The following MTSS1 variants were observed in gnomAD, a reference collection of about 807,000 sequenced individuals.
MTSS1 encodes MTSS I-BAR domain containing 1, also known as protein MTSS 1.
In MTSS1, 18 loss-of-function variants were observed where a neutral mutation model predicts 79.0. That is an observed-to-expected ratio of 0.23 (90% CI 0.16 to 0.34). The LOEUF (loss-of-function observed/expected upper bound fraction) is 0.34, where lower values mean the gene tolerates loss of function less well. Among genes scored for constraint, MTSS1 ranks in the 10% least tolerant of loss-of-function variants. MTSS1 has a pLI of 1.00. For missense variants in MTSS1, 815 were observed against 986.2 expected (o/e 0.83, Z 2.33); for synonymous variants, 341 against 368.6 (o/e 0.93, Z 0.86).
intron 3 of MTSS1, among the ~76,000 whole-genome samples, chr8:124,635,699 G>C (rs563778019): frequency 1.2e-4 from 19 of 152,290 alleles, no homozygotes; most frequent in Admixed American, 9.8e-4. Flanking sequence ...GCAAGATCTA[G>C]TAGACAACGG....
chr8:124,685,960 G>A (rs972359885), intron 3 of MTSS1, among the ~76,000 whole-genome samples: 8 of 152,226 alleles, frequency 5.3e-5, no homozygotes, highest in Non-Finnish European at 1.0e-4. Context: ...GCCAGCAGTC[G>A]GAAGGTGGCC....
At chr8:124,638,235 C>A (rs1817388239) in intron 3 of MTSS1, among the ~76,000 whole-genome samples, 1 of 152,196 alleles carries the variant, frequency 6.6e-6, no homozygotes, top group South Asian at 2.1e-4. Flanking sequence ...TCACAGAGAT[C>A]CAAGGAAATT....
intron 3 of MTSS1, among the ~76,000 whole-genome samples, chr8:124,685,164 C>A (rs749398241): frequency 1.0e-5 from 1 of 98,528 alleles, no homozygotes; most frequent in Non-Finnish European, 2.3e-5. Flanking sequence ...CCTCCATCTC[C>A]AGAACTTTTC....
intron 3 of MTSS1, among the ~76,000 whole-genome samples, chr8:124,676,307 A>G (rs1825278686): frequency 6.6e-6 from 1 of 152,242 alleles, no homozygotes; most frequent in Admixed American, 6.5e-5. Context: ...AAGTAAAGAC[A>G]CTGCAGGGAC....
At chr8:124,698,050 T>C (rs886662910) in intron 3 of MTSS1, 1 of 152,230 alleles carries the variant, frequency 6.6e-6, no homozygotes, top group Non-Finnish European at 1.5e-5. Flanking sequence ...TATGTTGAAA[T>C]TCTTTATTTA....
chr8:124,612,441 A>T (rs1835987711), intron 3 of MTSS1, among the ~76,000 whole-genome samples: 1 of 152,198 alleles, frequency 6.6e-6, no homozygotes, highest in Non-Finnish European at 1.5e-5. Flanking sequence ...AGTCCCTGAG[A>T]TGCTGGTTTA....
At chr8:124,662,177 G>A (rs1340594457) in intron 3 of MTSS1, among the ~76,000 whole-genome samples, 1 of 152,114 alleles carries the variant, frequency 6.6e-6, no homozygotes, top group African/African-American at 2.4e-5. Flanking sequence ...TTTTGGGAAA[G>A]AGGACAACGT....
intron 3 of MTSS1, among the ~76,000 whole-genome samples, chr8:124,605,588 TCGCTGCCTCCCTCCCTGCCCTCG>T (rs1244351790): frequency 0.011 from 1,214 of 114,454 alleles, 20 homozygotes; most frequent in African/African-American, 0.04. Flanking sequence ...CCCTGCCCTC[TCGCTGCCTCCCTCCCTGCCCTCG>T]CGCTGCCTCC....
chr8:124,568,647 T>TAAA, intron 6 of MTSS1, 111 bp from the exon 7 acceptor site: 1 of 1,523,470 alleles, frequency 6.6e-7, no homozygotes, highest in Non-Finnish European at 9.0e-7. Context: ...TTCCAGGATG[T>TAAA]AAAAAAAGTA....
At position 124,557,765 on chromosome 8, in the gene MTSS1, G is replaced by T; in HGVS notation, c.1146C>A (p.Val382=). The T allele has an allele frequency of 6.2e-7, 1 of 1,605,562 alleles. No homozygotes were observed. Residue 382 remains valine, a synonymous_variant, in exon 11 of 14, where the codon GTC becomes GTA. Coordinates refer to ENST00000518547, the MANE Select transcript of MTSS1 (RefSeq NM_014751.6). ...CGTAGTCTGGAAGGTGGACAGAGGT[G>T]ACCCGAGGGAGCAGGCGGGAGGCAG... The part of the protein sequence containing the change: ...CLPASRLLPR[V]TSVHLPDYAH...
rs779512088 is a variant in MTSS1, at chr8:124,727,850, G to A, written c.72+34C>T. ...CGCGGCGGCGAGGTCAGAGCGCGGC[G>A]GCCGGCGCCGCAGCCGCACCCCCGG... On this transcript the variant is annotated intron_variant, in intron 1 of 13. Coordinates refer to ENST00000518547, the MANE Select transcript of MTSS1 (RefSeq NM_014751.6). The surrounding 1 kb of genome is among the most constrained non-coding windows in gnomAD (Gnocchi z 4.7). 20 of 1,551,518 alleles carry A rather than the reference G, an allele frequency of 1.3e-5. No individual in the cohort carries two copies. Among genetic ancestry groups the A allele is most frequent in the Non-Finnish European group, 1.6e-5 (18 of 1,153,202 alleles).
intron 3 of MTSS1, among the ~76,000 whole-genome samples, chr8:124,668,188 C>T (rs1052183506): frequency 1.4e-4 from 21 of 152,334 alleles, no homozygotes; most frequent in African/African-American, 4.8e-4. Flanking sequence ...ACAGCGCAAG[C>T]GGCCACACGT....
intron 3 of MTSS1, among the ~76,000 whole-genome samples, chr8:124,635,806 C>T (rs374377280): frequency 6.6e-6 from 1 of 151,814 alleles, no homozygotes; most frequent in Non-Finnish European, 1.5e-5. Flanking sequence ...TTATGGCTCC[C>T]GGATTCCCAA....
chr8:124,643,100 G>T (rs1433195215), intron 3 of MTSS1, among the ~76,000 whole-genome samples: 1 of 152,046 alleles, frequency 6.6e-6, no homozygotes, highest in Non-Finnish European at 1.5e-5. Context: ...ATAAAATTTG[G>T]CAGAGAGAAA....
intron 3 of MTSS1, among the ~76,000 whole-genome samples, chr8:124,694,089 C>CA (rs1390646709): frequency 1.3e-5 from 2 of 152,166 alleles, no homozygotes; most frequent in Admixed American, 6.5e-5. Context: ...ATTTCAACAA[C>CA]ATAGATTATT....
At position 124,720,802 on chromosome 8, in the gene MTSS1, A is replaced by G. The variant is rs139824913; in HGVS notation, c.72+7082T>C. On this transcript the variant is annotated intron_variant, in intron 1 of 13. Transcript: ENST00000518547. Reference sequence around the variant, plus strand: ...TACCTCATTCCCAAATCTACAAGACAGAATAGTAACTGCTTCTAACATTTG... The same window carrying G: ...TACCTCATTCCCAAATCTACAAGACGGAATAGTAACTGCTTCTAACATTTG... 4.8e-3 allele frequency among the ~76,000 whole-genome samples: 729 copies of G among 152,364 alleles called. 5 individuals carry two copies. Among genetic ancestry groups the G allele is most frequent in the Middle Eastern group, 6.8e-3 (2 of 294 alleles).
intron 6 of MTSS1, among the ~76,000 whole-genome samples, chr8:124,571,320 T>A (rs1392088357): frequency 1.3e-5 from 2 of 152,234 alleles, no homozygotes; most frequent in African/African-American, 4.8e-5. Context: ...TGCTGGCTAG[T>A]GCAAAATTAA....
At chr8:124,673,480 G>A (rs565501226) in intron 3 of MTSS1, 1 of 152,222 alleles carries the variant, frequency 6.6e-6, no homozygotes, top group African/African-American at 2.4e-5. Context: ...TGGTGCCAAG[G>A]GAACCGAACC....
intron 6 of MTSS1, among the ~76,000 whole-genome samples, chr8:124,571,166 C>T (rs1827688416): frequency 6.6e-6 from 1 of 152,202 alleles, no homozygotes; most frequent in Admixed American, 6.5e-5. Flanking sequence ...CCTGTAAAAA[C>T]ATTCTCCCAT....
Sources: allele counts gnomAD v4.1 joint callset (sites outside exome capture counted in the v4.1 genomes callset), GRCh38; gene constraint gnomAD v4.1.1; non-coding constraint Gnocchi (gnomAD v3.1); transcripts MANE v1.5; gene names NCBI Gene and HGNC (gene_info 2026-07-23, HGNC 2026-07-21).